SMYD2: variants seen among roughly 807,000 people sequenced by gnomAD.
SMYD2 encodes the protein N-lysine methyltransferase SMYD2.
In SMYD2, 53 loss-of-function variants were observed where a neutral mutation model predicts 59.1. The observed-to-expected ratio is 0.90, with a 90% confidence interval of 0.72 to 1.13. The LOEUF is 1.13. Among genes scored for constraint, SMYD2 ranks in the 50% most tolerant of loss-of-function variants. SMYD2 has a pLI of 0.00. For synonymous variants in SMYD2, 208 were observed against 198.8 expected (o/e 1.05, Z -0.39); for missense variants, 494 against 544.7 (o/e 0.91, Z 0.93).
intron 2 of SMYD2, among the ~76,000 whole-genome samples, chr1:214,311,151 C>A (rs1263512822): frequency 6.6e-6 from 1 of 152,230 alleles, no homozygotes; most frequent in Admixed American, 6.5e-5. Flanking sequence ...CCATAAACTG[C>A]TTGAAGTCAA....
intron 1 of SMYD2, among the ~76,000 whole-genome samples, chr1:214,304,165 T>C (rs537322658): frequency 1.3e-5 from 2 of 152,232 alleles, no homozygotes; most frequent in East Asian, 3.9e-4. Context: ...AATGAATAAG[T>C]TGAATCGACC....
intron 1 of SMYD2, among the ~76,000 whole-genome samples, chr1:214,282,965 G>A (rs947096404): frequency 1.3e-5 from 2 of 152,194 alleles, no homozygotes; most frequent in African/African-American, 4.8e-5. Flanking sequence ...AGCAGGTCAG[G>A]CAGCACAGAA....
At chr1:214,332,504 C>T (rs1472946817) in intron 10 of SMYD2, 1 of 211,356 alleles carries the variant, frequency 4.7e-6, no homozygotes, top group African/African-American at 2.3e-5. Flanking sequence ...CTTCTTTTCC[C>T]ACCCACTGCT....
In SMYD2 at chr1:214,336,784, A is replaced by C; in HGVS notation, c.1302A>C (p.Ter434CysextTer17). ...SEIKQEIESH* is the reference protein window; with the variant it reads ...SEIKQEIESHC ...TCAAACAGGAAATTGAAAGCCACTG[A>C]AACTATGCAGCATTTCAGTTTTCAT... The change falls in exon 12 of 12, where the codon TGA (stop) becomes TGC (cysteine). Residue 434 changes from the stop codon to cysteine, a stop_lost. Coordinates refer to ENST00000366957, the MANE Select transcript of SMYD2 (RefSeq NM_020197.3). 6.2e-7 allele frequency: 1 copy of C among 1,612,664 alleles called. No individual in the cohort carries two copies. The highest frequency in any genetic ancestry group is 8.5e-7 in the Non-Finnish European group (1 of 1,179,488).
At position 214,331,015 on chromosome 1, in the gene SMYD2, G is replaced by A; in HGVS notation, c.882G>A (p.Met294Ile). The A allele has an allele frequency of 6.2e-7, 1 of 1,614,192 alleles. No homozygotes were observed. Among genetic ancestry groups the A allele is most frequent in the South Asian group, 1.1e-5 (1 of 91,080 alleles). ...DPPKAEAIRD[M>I]VRYARNVIEE... ...CAAAGGCAGAAGCCATCCGAGACAT[G>A]GTCAGATATGCACGCAACGTCATTG... The change falls in exon 9 of 12, where the codon ATG becomes ATA. Residue 294 changes from methionine (M) to isoleucine (I), a missense_variant. Physicochemically the swap from Met to Ile is conservative, Grantham distance 10 (BLOSUM62 1). Transcript: ENST00000366957.
intron 2 of SMYD2, among the ~76,000 whole-genome samples, chr1:214,313,508 C>T (rs1237499484): frequency 3.3e-5 from 5 of 150,814 alleles, no homozygotes. Flanking sequence ...TGATATTTCC[C>T]ATCTAAAAAA....
chr1:214,331,223 C>G, intron 9 of SMYD2, 153 bp downstream of exon 9: 1 of 1,094,616 alleles, frequency 9.1e-7, no homozygotes, highest in Admixed American at 2.6e-5. Context: ...GTACTGACCA[C>G]CCACAATGTG....
At chr1:214,326,893 A>G (rs1043777400) in intron 6 of SMYD2, among the ~76,000 whole-genome samples, 1 of 152,218 alleles carries the variant, frequency 6.6e-6, no homozygotes, top group Non-Finnish European at 1.5e-5. Context: ...CTGAAATCAT[A>G]TCAGCATTGT....
intron 2 of SMYD2, among the ~76,000 whole-genome samples, chr1:214,305,901 T>C (rs998265111): frequency 2.6e-5 from 4 of 152,228 alleles, no homozygotes; most frequent in African/African-American, 9.7e-5. Flanking sequence ...CAAACTGTTA[T>C]AGTAAACACT....
chr1:214,288,814 T>A (rs916798230), intron 1 of SMYD2, among the ~76,000 whole-genome samples: 1 of 152,200 alleles, frequency 6.6e-6, no homozygotes, highest in Non-Finnish European at 1.5e-5. Flanking sequence ...TTGGTCCTTT[T>A]GTAGGCTTGG....
chr1:214,318,451 A>G lies in SMYD2; in HGVS notation c.409+312A>G, dbSNP rs370800814. On this transcript the variant is annotated intron_variant, in intron 4 of 11. Coordinates refer to ENST00000366957, the MANE Select transcript of SMYD2 (RefSeq NM_020197.3). This position sits in a 1 kb window ranked among gnomAD's most constrained non-coding sequence, Gnocchi z 5.4. ...GGATCTTTGCTGAATTGCGTCCTCT[A>G]AATAGCTGATGTTCTTACTGAAAGC... Among the ~76,000 whole-genome samples, 1 of 152,126 alleles carries G rather than the reference A, an allele frequency of 6.6e-6. No homozygotes were observed. The highest frequency in any genetic ancestry group is 2.4e-5 in the African/African-American group (1 of 41,416).
chr1:214,305,910 C>G (rs1054862611), intron 2 of SMYD2, among the ~76,000 whole-genome samples: 2 of 152,314 alleles, frequency 1.3e-5, no homozygotes, highest in South Asian at 4.1e-4. Context: ...ATAGTAAACA[C>G]TTGTTCCACA....
At chr1:214,323,696 C>T (rs1657208170) in intron 5 of SMYD2, among the ~76,000 whole-genome samples, 1 of 151,944 alleles carries the variant, frequency 6.6e-6, no homozygotes, top group African/African-American at 2.4e-5. Context: ...CCACCTTGGA[C>T]TCCCAAAGTG....
chr1:214,307,006 A>C (rs1384570814), intron 2 of SMYD2, among the ~76,000 whole-genome samples: 1 of 152,210 alleles, frequency 6.6e-6, no homozygotes, highest in African/African-American at 2.4e-5. Flanking sequence ...CCCCGTCTCT[A>C]CTAAAAATAG....
In SMYD2 at chr1:214,336,837, G is replaced by A. The variant is rs1657448568; in HGVS notation, c.*53G>A. 2 of 1,493,302 alleles carry A rather than the reference G, an allele frequency of 1.3e-6. No homozygotes were observed. The highest frequency in any genetic ancestry group is 1.8e-6 in the Non-Finnish European group (2 of 1,085,610). The allele number at this position is 1,493,302 out of a possible 1,614,324, so 92.5% of individuals were successfully genotyped here. ...AAACACTTAGTTCAGAAACCTTAAAGGATTTGAATATTTCAAATTGCACAC... is the reference window on the plus strand; with the variant it reads ...AAACACTTAGTTCAGAAACCTTAAAAGATTTGAATATTTCAAATTGCACAC... On this transcript the variant is annotated 3_prime_UTR_variant, in exon 12 of 12. Coordinates refer to ENST00000366957, the MANE Select transcript of SMYD2 (RefSeq NM_020197.3).
At chr1:214,304,558 CA>C (rs56254326) in intron 1 of SMYD2, among the ~76,000 whole-genome samples, 1,162 of 47,870 alleles carry the variant, frequency 0.024, 3 homozygotes, top group African/African-American at 0.054. Context: ...GACCCTATCT[CA>C]AAAAAAAAAA....
chr1:214,303,005 T>C (rs1176719450), intron 1 of SMYD2, among the ~76,000 whole-genome samples: 1 of 152,154 alleles, frequency 6.6e-6, no homozygotes, highest in Non-Finnish European at 1.5e-5. Context: ...TAATTTTTTT[T>C]GTTGTTGTTC....
intron 11 of SMYD2, among the ~76,000 whole-genome samples, chr1:214,334,792 C>G (rs551204016): frequency 6.6e-6 from 1 of 152,128 alleles, no homozygotes; most frequent in Non-Finnish European, 1.5e-5. Context: ...CTCACAAAAC[C>G]GAGAGGCTTT....
At chr1:214,324,156 C>T (rs946885526) in intron 5 of SMYD2, among the ~76,000 whole-genome samples, 4 of 151,038 alleles carry the variant, frequency 2.6e-5, no homozygotes, top group African/African-American at 9.7e-5. Context: ...AGGCTGGTTT[C>T]GAACTCCCGA....
Sources: allele counts gnomAD v4.1 joint callset (sites outside exome capture counted in the v4.1 genomes callset), GRCh38; gene constraint gnomAD v4.1.1; non-coding constraint Gnocchi (gnomAD v3.1); transcripts MANE v1.5; gene names NCBI Gene and HGNC (gene_info 2026-07-23, HGNC 2026-07-21).